Variants in CEP89 observed in about 807,000 individuals in gnomAD.
The protein encoded by CEP89 is centrosomal protein 89.
In CEP89, 95 loss-of-function variants were observed where a neutral mutation model predicts 97.6. The ratio of observed to expected loss-of-function variants is 0.97; its 90% CI spans 0.82 to 1.15. The LOEUF is 1.15. CEP89 is among the 50% of genes most tolerant of loss of function. CEP89 has a pLI of 0.00. For missense variants in CEP89, 869 were observed against 947.7 expected (o/e 0.92, Z 1.09); for synonymous variants, 354 against 349.1 (o/e 1.01, Z -0.16).
intron 7 of CEP89, among the ~76,000 whole-genome samples, chr19:32,934,611 C>T (rs1970543205): frequency 6.6e-6 from 1 of 152,108 alleles, no homozygotes; most frequent in Non-Finnish European, 1.5e-5. Flanking sequence ...CCCTAACATG[C>T]AAAAGGTGAG....
At chr19:32,948,443 A>C in intron 4 of CEP89, 75 bp from the exon 5 acceptor site, 1 of 823,222 alleles carries the variant, frequency 1.2e-6, no homozygotes, top group Non-Finnish European at 1.9e-6. Context: ...CTCCTAACAA[A>C]TTCCAACATC....
chr19:32,886,743 A>C (rs8104819), intron 17 of CEP89, among the ~76,000 whole-genome samples: 12,314 of 152,152 alleles, frequency 0.081, 1,543 homozygotes, highest in African/African-American at 0.27. Flanking sequence ...GAAAATTAGA[A>C]AAAAAGAAAG....
At chr19:32,935,547 C>A (rs774580369) in intron 7 of CEP89, among the ~76,000 whole-genome samples, 1 of 152,194 alleles carries the variant, frequency 6.6e-6, no homozygotes, top group Non-Finnish European at 1.5e-5. Flanking sequence ...GAATGCATGG[C>A]GCAGAAGTTG....
intron 14 of CEP89, among the ~76,000 whole-genome samples, chr19:32,904,888 C>T (rs765049529): frequency 6.1e-4 from 93 of 152,138 alleles, no homozygotes; most frequent in Non-Finnish European, 9.9e-4. Context: ...CCAGGCCTGG[C>T]CCAAAATACC....
intron 13 of CEP89, chr19:32,917,869 A>G (rs1417158397): frequency 3.8e-6 from 3 of 794,996 alleles, no homozygotes; most frequent in Non-Finnish European, 4.6e-6. Flanking sequence ...CTGCTTACGC[A>G]TCCAACAAAC....
Position 32,901,231 on chromosome 19 carries a change from A to T in CEP89, c.1733+14T>A. Reference sequence around the variant, plus strand: ...TGAAAATAAAAGCAACTTAAAGGAAAAAAAGACACAAACCTATTGATTTTC... The same window carrying T: ...TGAAAATAAAAGCAACTTAAAGGAATAAAAGACACAAACCTATTGATTTTC... On this transcript the variant is annotated intron_variant, in intron 15 of 18. Coordinates refer to ENST00000305768, the MANE Select transcript of CEP89 (RefSeq NM_032816.5). The T allele has an allele frequency of 5.6e-6, 9 of 1,606,956 alleles. No individual in the cohort carries two copies. The highest frequency in any genetic ancestry group is 6.8e-6 in the Non-Finnish European group (8 of 1,178,040).
chr19:32,908,464 C>T (rs375816771), intron 14 of CEP89, among the ~76,000 whole-genome samples: 20 of 152,092 alleles, frequency 1.3e-4, no homozygotes, highest in African/African-American at 4.8e-4. Flanking sequence ...TGGGCTGTCC[C>T]GCGGAAGGGG....
intron 5 of CEP89, among the ~76,000 whole-genome samples, chr19:32,944,017 C>G (rs950273256): frequency 6.6e-6 from 1 of 151,918 alleles, no homozygotes; most frequent in Admixed American, 6.6e-5. Context: ...TGTTTGAGCC[C>G]AGGAGTTCAA....
At chr19:32,960,174 T>C in intron 2 of CEP89, 116 bp from the exon 3 acceptor site, 1 of 1,072,326 alleles carries the variant, frequency 9.3e-7, no homozygotes. Flanking sequence ...CGACTGAGCA[T>C]TTACTCTGCA....
At chr19:32,901,988 GTCTC>G (rs1234966773) in intron 14 of CEP89, among the ~76,000 whole-genome samples, 1 of 115,794 alleles carries the variant, frequency 8.6e-6, no homozygotes, top group Non-Finnish European at 1.8e-5. Flanking sequence ...TTATGTCTCT[GTCTC>G]TCTGTCTCTC....
chr19:32,903,064 ACATGCGGTG>A, intron 14 of CEP89, among the ~76,000 whole-genome samples: 1 of 152,220 alleles, frequency 6.6e-6, no homozygotes, highest in East Asian at 1.9e-4. Context: ...CAGCTTAGCC[ACATGCGGTG>A]GCTCACACCT....
At chr19:32,966,956 G>A (rs938208172) in intron 1 of CEP89, among the ~76,000 whole-genome samples, 5 of 152,172 alleles carry the variant, frequency 3.3e-5, no homozygotes, top group Non-Finnish European at 4.4e-5. Flanking sequence ...CACACGAGTA[G>A]ACGGGACTAC....
At chr19:32,900,105 G>T in intron 15 of CEP89, 107 bp from the exon 16 acceptor site, 1 of 1,020,674 alleles carries the variant, frequency 9.8e-7, no homozygotes, top group Non-Finnish European at 1.5e-6. Flanking sequence ...GCATTTAAAT[G>T]CTATTCTTCA....
At chr19:32,952,870 C>T (rs1464085975) in intron 4 of CEP89, among the ~76,000 whole-genome samples, 2 of 126,396 alleles carry the variant, frequency 1.6e-5, no homozygotes, top group Admixed American at 1.9e-4. Context: ...TGCCACTGCA[C>T]TCCAGCCTGG....
intron 17 of CEP89, among the ~76,000 whole-genome samples, chr19:32,886,021 C>T (rs1969387579): frequency 6.6e-6 from 1 of 152,194 alleles, no homozygotes; most frequent in Non-Finnish European, 1.5e-5. Context: ...CCCTCCCACA[C>T]CCTCCTAGGC....
At chr19:32,928,011 G>A (rs1290501629) in intron 9 of CEP89, among the ~76,000 whole-genome samples, 1 of 148,628 alleles carries the variant, frequency 6.7e-6, no homozygotes, top group South Asian at 2.2e-4. Context: ...TGCCTCCCAG[G>A]TTCAAGCAAT....
intron 3 of CEP89, 66 bp from the exon 4 acceptor site, chr19:32,953,867 CTT>C (rs11339044): frequency 0.31 from 187,570 of 600,470 alleles, 10,022 homozygotes; most frequent in Admixed American, 0.41. Context: ...TGATAAATAT[CTT>C]TTTTTTTTTT....
chr19:32,931,853 A>G (rs1970481333), intron 8 of CEP89, among the ~76,000 whole-genome samples: 1 of 152,220 alleles, frequency 6.6e-6, no homozygotes, highest in South Asian at 2.1e-4. Flanking sequence ...AGGAATAGTC[A>G]TTGTTTCAGA....
At chr19:32,902,059 C>T (rs1225684220) in intron 14 of CEP89, among the ~76,000 whole-genome samples, 1 of 78,738 alleles carries the variant, frequency 1.3e-5, no homozygotes, top group African/African-American at 4.7e-5. Flanking sequence ...TGTGTGTATA[C>T]CCTATTCCTT....
Sources: gnomAD v4.1 joint callset for allele counts (sites outside exome capture counted in the v4.1 genomes callset) on GRCh38, gnomAD v4.1.1 for gene constraint, MANE v1.5 for transcripts, NCBI Gene and HGNC (gene_info 2026-07-23, HGNC 2026-07-21) for gene names.